The following TBC1D22A variants were observed in gnomAD, a reference collection of about 807,000 sequenced individuals.
The protein encoded by TBC1D22A is TBC1 domain family member 22A.
In TBC1D22A, 38 loss-of-function variants were observed where a neutral mutation model predicts 60.2. The ratio of observed to expected loss-of-function variants is 0.63; its 90% CI spans 0.49 to 0.83. The LOEUF is 0.83. Ranked by LOEUF, TBC1D22A falls within the 40% of genes least tolerant of loss-of-function variation. The pLI, the probability that TBC1D22A is intolerant of heterozygous loss-of-function variation, is 0.00. For synonymous variants in TBC1D22A, 302 were observed against 281.7 expected, an observed-to-expected ratio of 1.07 and a Z score of -0.72; for missense variants, 628 against 701.0, an observed-to-expected ratio of 0.90 and a Z score of 1.18.
intron 10 of TBC1D22A, among the ~76,000 whole-genome samples, chr22:47,020,071 C>T (rs2062035777): frequency 1.3e-5 from 2 of 152,268 alleles, no homozygotes; most frequent in Admixed American, 6.5e-5. Flanking sequence ...GTCCATCCAT[C>T]GATCCATCCA....
chr22:46,904,126 T>C (rs1413289667), intron 7 of TBC1D22A, among the ~76,000 whole-genome samples: 13 of 93,804 alleles, frequency 1.4e-4, no homozygotes, highest in African/African-American at 5.9e-4. Flanking sequence ...TATCTATCTA[T>C]CTATCTATCT....
intron 11 of TBC1D22A, among the ~76,000 whole-genome samples, chr22:47,058,038 CCCTAGGTG>C (rs1394090957): frequency 6.6e-6 from 1 of 152,176 alleles, no homozygotes; most frequent in Non-Finnish European, 1.5e-5. Flanking sequence ...CCTTGGGCTG[CCCTAGGTG>C]CAGCAAGGAT....
Position 46,783,065 on chromosome 22 carries a change from C to T in TBC1D22A, c.63-9455C>T, listed in dbSNP as rs190898012. Reference sequence around the variant, plus strand: ...CAGCAGCTGCCCATTTTTAATTTCCCGCTAGCAGTGTGTGAGGTCCCGGTC... The same window carrying T: ...CAGCAGCTGCCCATTTTTAATTTCCTGCTAGCAGTGTGTGAGGTCCCGGTC... On this transcript the variant is annotated intron_variant, in intron 1 of 12. Transcript: ENST00000337137. Among the ~76,000 whole-genome samples, 45 of 152,304 alleles carry T rather than the reference C, an allele frequency of 3.0e-4. No homozygotes were observed. In the East Asian group the frequency reaches 6.4e-3, roughly 22 times the overall value.
chr22:46,903,807 C>G (rs1188033880), intron 7 of TBC1D22A, among the ~76,000 whole-genome samples: 1 of 152,156 alleles, frequency 6.6e-6, no homozygotes, highest in African/African-American at 2.4e-5. Flanking sequence ...CTGAGACTGT[C>G]TAAGGCAGCA....
intron 11 of TBC1D22A, among the ~76,000 whole-genome samples, chr22:47,047,169 C>T (rs1481173339): frequency 6.6e-6 from 1 of 152,148 alleles, no homozygotes; most frequent in African/African-American, 2.4e-5. Flanking sequence ...GGCTCGGGGA[C>T]CTTCCCTGCT....
chr22:47,165,883 G>GCTC (rs1362073314), intron 12 of TBC1D22A, among the ~76,000 whole-genome samples: 2 of 152,162 alleles, frequency 1.3e-5, no homozygotes, highest in Non-Finnish European at 2.9e-5. Flanking sequence ...CACACGCGGA[G>GCTC]TGTCAGGAGG....
intron 10 of TBC1D22A, 54 bp from the exon 11 acceptor site, chr22:47,037,017 G>C: frequency 6.2e-7 from 1 of 1,606,520 alleles, no homozygotes; most frequent in Admixed American, 1.7e-5. Flanking sequence ...CTGGCTGCCA[G>C]TGCCTCCATA....
chr22:47,018,731 C>T (rs568809634), intron 10 of TBC1D22A, among the ~76,000 whole-genome samples: 15 of 152,222 alleles, frequency 9.9e-5, no homozygotes, highest in African/African-American at 3.6e-4. Flanking sequence ...GCTCACCGGT[C>T]GTCATCGCCA....
chr22:47,049,531 A>T (rs1354858280), intron 11 of TBC1D22A, among the ~76,000 whole-genome samples: 1 of 152,250 alleles, frequency 6.6e-6, no homozygotes, highest in East Asian at 1.9e-4. Context: ...CTTTACAGAG[A>T]TGAAAGAAGG....
intron 4 of TBC1D22A, among the ~76,000 whole-genome samples, chr22:46,838,969 A>G (rs58332277): frequency 0.31 from 47,304 of 152,118 alleles, 7,508 homozygotes; most frequent in South Asian, 0.44. Context: ...TTCCTCTAAG[A>G]TCAGGAAGAG....
At chr22:46,882,954 T>G (rs978862412) in intron 5 of TBC1D22A, among the ~76,000 whole-genome samples, 8 of 152,236 alleles carry the variant, frequency 5.3e-5, no homozygotes, top group Non-Finnish European at 8.8e-5. Context: ...AAACATGACT[T>G]GGCATTTATG....
intron 10 of TBC1D22A, among the ~76,000 whole-genome samples, chr22:47,008,630 G>A (rs6009097): frequency 0.033 from 5,099 of 152,310 alleles, 249 homozygotes; most frequent in African/African-American, 0.11. Context: ...ATAGGACAAC[G>A]ATGGGCTGCA....
chr22:46,781,380 T>G (rs1453067172), intron 1 of TBC1D22A, among the ~76,000 whole-genome samples: 1 of 152,184 alleles, frequency 6.6e-6, no homozygotes, highest in South Asian at 2.1e-4. Context: ...TTCACCATGT[T>G]GCCCGTGCTG....
intron 8 of TBC1D22A, among the ~76,000 whole-genome samples, chr22:46,928,635 GA>G (rs2071180809): frequency 6.6e-6 from 1 of 152,040 alleles, no homozygotes; most frequent in South Asian, 2.1e-4. Flanking sequence ...ACATTCCCCA[GA>G]ATGGGAGAAG....
chr22:46,768,242 T>C (rs1414934164), intron 1 of TBC1D22A: 1 of 152,310 alleles, frequency 6.6e-6, no homozygotes, highest in African/African-American at 2.4e-5. Flanking sequence ...CCCAGCACTT[T>C]GGGAGGCTGA....
At chr22:46,891,486 G>T in intron 6 of TBC1D22A, 92 bp downstream of exon 6, 5 of 1,389,056 alleles carry the variant, frequency 3.6e-6, no homozygotes, top group Non-Finnish European at 4.8e-6. Flanking sequence ...ACCATGTGGA[G>T]TTGGTCAGAG....
chr22:46,835,978 A>G (rs2086499576), intron 4 of TBC1D22A, among the ~76,000 whole-genome samples: 1 of 152,232 alleles, frequency 6.6e-6, no homozygotes, highest in African/African-American at 2.4e-5. Flanking sequence ...TAAGAATACA[A>G]TACCCAGCAA....
At chr22:46,845,705 T>C (rs2147246971) in intron 4 of TBC1D22A, among the ~76,000 whole-genome samples, 1 of 152,342 alleles carries the variant, frequency 6.6e-6, no homozygotes, top group Admixed American at 6.5e-5. Flanking sequence ...GAAATAACAG[T>C]GTTGTGTCCC....
At chr22:47,154,953 C>T (rs762915263) in intron 12 of TBC1D22A, among the ~76,000 whole-genome samples, 24 of 152,198 alleles carry the variant, frequency 1.6e-4, no homozygotes, top group African/African-American at 2.7e-4. Context: ...CCCTGCTGCC[C>T]GCTGGGCATT....
Sources: gnomAD v4.1 joint callset for allele counts (sites outside exome capture counted in the v4.1 genomes callset) on GRCh38, gnomAD v4.1.1 for gene constraint, MANE v1.5 for transcripts, NCBI Gene and HGNC (gene_info 2026-07-23, HGNC 2026-07-21) for gene names.